Variants in PADI3 observed in about 807,000 individuals in gnomAD.
PADI3 encodes the protein protein-arginine deiminase type-3.
In PADI3, 53 loss-of-function variants were observed where a neutral mutation model predicts 71.5. The ratio of observed to expected loss-of-function variants is 0.74; its 90% CI spans 0.59 to 0.93. The LOEUF is 0.93. Among genes scored for constraint, PADI3 ranks in the 40% least tolerant of loss-of-function variants. PADI3 has a pLI of 0.00. For missense variants in PADI3, 821 were observed against 868.0 expected (o/e 0.95, Z 0.68); for synonymous variants, 361 against 347.5 (o/e 1.04, Z -0.43).
At chr1:17,279,488 C>A (rs999119473) in intron 13 of PADI3, among the ~76,000 whole-genome samples, 35 of 152,256 alleles carry the variant, frequency 2.3e-4, no homozygotes, top group South Asian at 1.4e-3. Flanking sequence ...GTGAAGCGGG[C>A]GTTAGACCTG....
In PADI3 at chr1:17,274,637, T is replaced by C; in HGVS notation, c.1158T>C (p.Gly386=). The C allele has an allele frequency of 6.2e-7, 1 of 1,610,720 alleles. No individual in the cohort carries two copies. The highest frequency in any genetic ancestry group is 8.5e-7 in the Non-Finnish European group (1 of 1,177,942). ...LQDFPYKRIL[G]PDFGYVTREP... ...CCTGACTTGGTTTCCCTCTCCAGGG[T>C]CCAGATTTTGGTTACGTGACTCGGG... The change falls in exon 11 of 16, where the codon GGT becomes GGC. Residue 386 remains glycine, a splice_region_variant and synonymous_variant. Coordinates refer to ENST00000375460, the MANE Select transcript of PADI3 (RefSeq NM_016233.2).
chr1:17,270,408 CGAGGTAGG>C lies in PADI3; in HGVS notation c.831_831+7del. The C allele has an allele frequency of 6.2e-7, 1 of 1,611,558 alleles. No individual in the cohort carries two copies. Among genetic ancestry groups the C allele is most frequent in the Non-Finnish European group, 8.5e-7 (1 of 1,179,100 alleles). ...ATGTCACTCTGCTGGACGACTCCAA[CGAGGTAGG>C]GACAGAGGGGGTTCAAGAGGAGCTC... is the stretch of plus-strand genomic sequence containing the variant. On this transcript the variant is annotated splice_donor_variant and splice_donor_5th_base_variant and coding_sequence_variant and intron_variant, in exon 7 of 16. Transcript: ENST00000375460. LOFTEE classifies it high-confidence loss of function.
At chr1:17,270,160 C>T in intron 6 of PADI3, 73 bp from the exon 7 acceptor site, 1 of 1,512,656 alleles carries the variant, frequency 6.6e-7, no homozygotes, top group Admixed American at 2.2e-5. Context: ...CTGCAGACCT[C>T]TTCCTGTGTC....
At position 17,283,378 on chromosome 1, in the gene PADI3, C is replaced by A; in HGVS notation, c.*299C>A. ...TGTCCCCTTCTCACTCTGAAATCAT[C>A]CATTTGGGGACAAATCCACATTGGG... On this transcript the variant is annotated 3_prime_UTR_variant, in exon 16 of 16. Coordinates refer to ENST00000375460, the MANE Select transcript of PADI3 (RefSeq NM_016233.2). The A allele has an allele frequency of 2.9e-6, 1 of 348,066 alleles. No homozygotes were observed. Among genetic ancestry groups the A allele is most frequent in the African/African-American group, 2.1e-5 (1 of 48,058 alleles). 21.6% of individuals were successfully genotyped at this position (348,066 alleles called of 1,614,324 possible).
intron 13 of PADI3, among the ~76,000 whole-genome samples, chr1:17,279,438 G>A (rs928896751): frequency 1.3e-5 from 2 of 152,216 alleles, no homozygotes; most frequent in African/African-American, 4.8e-5. Flanking sequence ...AGATTGCAGT[G>A]GAGCTGGGAC....
chr1:17,250,992 C>T (rs1181912237), intron 1 of PADI3, among the ~76,000 whole-genome samples: 1 of 152,230 alleles, frequency 6.6e-6, no homozygotes, highest in Non-Finnish European at 1.5e-5. Flanking sequence ...GGGATGGAAG[C>T]TCTGATACCT....
chr1:17,260,534 T>C (rs1054654452), intron 2 of PADI3, among the ~76,000 whole-genome samples: 4 of 152,116 alleles, frequency 2.6e-5, no homozygotes, highest in Non-Finnish European at 5.9e-5. Context: ...GGGGGACTGA[T>C]GCCCATTTCG....
At position 17,259,776 on chromosome 1, in the gene PADI3, G is replaced by T. The variant is rs766368755; in HGVS notation, c.273+18G>T. 4 of 1,577,860 alleles carry T rather than the reference G, an allele frequency of 2.5e-6. No homozygotes were observed. The South Asian group carries it at 3.4e-5, about 14-fold the overall frequency. On this transcript the variant is annotated intron_variant, in intron 2 of 15. Coordinates refer to ENST00000375460, the MANE Select transcript of PADI3 (RefSeq NM_016233.2). ...ACAGCCATGTGAGCTGGTCCCTGGT[G>T]GGGTGGGGAGAGGTTTCGAGGGAGG... is the stretch of plus-strand genomic sequence containing the variant.
Position 17,270,961 on chromosome 1 carries a change from C to G in PADI3, c.914C>G (p.Pro305Arg), listed in dbSNP as rs1167885106. The change falls in exon 8 of 16, where the codon CCC becomes CGC. Residue 305 changes from proline (P) to arginine (R), a missense_variant. Coordinates refer to ENST00000375460, the MANE Select transcript of PADI3 (RefSeq NM_016233.2). ...ATCATGACGCCCAGCACTCTGCCAC[C>G]CCTAGAGGTGTATGTGTGCCGGTGA... ...PWIMTPSTLP[P>R]LEVYVCRVRN... The G allele has an allele frequency of 6.2e-7, 1 of 1,614,070 alleles. No homozygotes were observed. Among genetic ancestry groups the G allele is most frequent in the Non-Finnish European group, 8.5e-7 (1 of 1,179,950 alleles).
At chr1:17,274,353 A>G (rs1056723257) in intron 10 of PADI3, among the ~76,000 whole-genome samples, 7 of 152,204 alleles carry the variant, frequency 4.6e-5, no homozygotes, top group Non-Finnish European at 1.5e-5. Flanking sequence ...CTCAGGCTCC[A>G]TGTCCGATGG....
intron 1 of PADI3, among the ~76,000 whole-genome samples, chr1:17,254,624 G>A (rs1002135825): frequency 6.6e-6 from 1 of 151,900 alleles, no homozygotes; most frequent in Non-Finnish European, 1.5e-5. Flanking sequence ...CCAATGCCCC[G>A]TCTTCCTCCT....
intron 4 of PADI3, 56 bp downstream of exon 4, chr1:17,265,776 G>A (rs2073160615): frequency 6.5e-7 from 1 of 1,527,214 alleles, no homozygotes; most frequent in Non-Finnish European, 9.1e-7. Flanking sequence ...CTTGCTCTAG[G>A]TTGGGTTAAG....
intron 2 of PADI3, among the ~76,000 whole-genome samples, 162 bp downstream of exon 2, chr1:17,259,920 TAC>T (rs1357537013): frequency 3.3e-5 from 5 of 152,188 alleles, no homozygotes; most frequent in African/African-American, 1.2e-4. Flanking sequence ...CTCTGCAAGT[TAC>T]AGACACATAC....
intron 15 of PADI3, among the ~76,000 whole-genome samples, chr1:17,281,074 C>T (rs972626647): frequency 5.9e-5 from 9 of 152,252 alleles, no homozygotes; most frequent in Admixed American, 5.2e-4. Context: ...CATGAGGTCA[C>T]GTGTGCAAAG....
chr1:17,274,817 G>T (rs1384993037), intron 11 of PADI3, 31 bp downstream of exon 11: 1 of 1,605,964 alleles, frequency 6.2e-7, no homozygotes, highest in Non-Finnish European at 8.5e-7. Context: ...GGAGTTCCTG[G>T]GGTGGAGGCT....
At chr1:17,272,232 G>A (rs1020270159) in intron 9 of PADI3, among the ~76,000 whole-genome samples, 9 of 152,178 alleles carry the variant, frequency 5.9e-5, no homozygotes, top group Admixed American at 3.9e-4. Context: ...ATGCGCAAAG[G>A]CCCGGGGGTG....
At position 17,271,118 on chromosome 1, in the gene PADI3, G is replaced by A; in HGVS notation, c.987G>A (p.Lys329=). The A allele has an allele frequency of 6.2e-7, 1 of 1,613,950 alleles. No homozygotes were observed. Among genetic ancestry groups the A allele is most frequent in the Non-Finnish European group, 8.5e-7 (1 of 1,180,012 alleles). ...FVDAVAELAR[K]AGCKLTICPQ... is the part of the protein sequence containing the mutation. ...ATGCGGTGGCAGAGCTGGCCAGGAA[G>A]GCCGGCTGCAAGCTGACCATCTGCC... Residue 329 remains lysine, a synonymous_variant, in exon 9 of 16, where the codon AAG becomes AAA. Coordinates refer to ENST00000375460, the MANE Select transcript of PADI3 (RefSeq NM_016233.2).
intron 3 of PADI3, among the ~76,000 whole-genome samples, chr1:17,265,123 A>T (rs142192666): frequency 5.2e-4 from 79 of 152,034 alleles, no homozygotes; most frequent in African/African-American, 1.1e-3. Context: ...AGAAAGATTG[A>T]TTCTGACCTC....
intron 10 of PADI3, among the ~76,000 whole-genome samples, chr1:17,273,745 C>T (rs182154104): frequency 1.3e-5 from 2 of 152,304 alleles, no homozygotes; most frequent in Non-Finnish European, 2.9e-5. Flanking sequence ...TTTACTGAAT[C>T]TGGCAGCCCT....
Sources: allele counts gnomAD v4.1 joint callset (sites outside exome capture counted in the v4.1 genomes callset), GRCh38; gene constraint gnomAD v4.1.1; transcripts MANE v1.5; gene names NCBI Gene and HGNC (gene_info 2026-07-23, HGNC 2026-07-21).